The following PDIA4 variants were observed in gnomAD, a reference collection of about 807,000 sequenced individuals.
PDIA4 encodes protein disulfide-isomerase A4.
PDIA4 carries 33 observed loss-of-function variants against 62.1 expected under a neutral mutation model. The ratio of observed to expected loss-of-function variants is 0.53; its 90% confidence interval spans 0.40 to 0.71. PDIA4 has a LOEUF of 0.71. Among genes scored for constraint, PDIA4 ranks in the 30% least tolerant of loss-of-function variants. The probability of loss-of-function intolerance (pLI) is 0.00; values close to 1 mark genes in which losing one functional copy is unlikely to be tolerated. For missense variants in PDIA4, 804 were observed against 813.6 expected, an observed-to-expected ratio of 0.99 and a Z score of 0.14; for synonymous variants, 341 against 324.1, an observed-to-expected ratio of 1.05 and a Z score of -0.56.
Position 149,005,921 on chromosome 7 carries a change from C to T in PDIA4, c.1264G>A (p.Asp422Asn). ...RPLVVVYYSV[D>N]FSFDYRAATQ... ...CCAGCTCTGTAATCAAAGCTGAAGT[C>T]CACACTGTAGTAGACGACCACCAGG... Residue 422 changes from aspartate to asparagine, a missense_variant, in exon 8 of 10, where the codon GAC (aspartate) becomes AAC (asparagine). Coordinates refer to ENST00000652332, the MANE Select transcript of PDIA4 (RefSeq NM_004911.5). The T allele has an allele frequency of 6.6e-7, 1 of 1,523,888 alleles. No homozygotes were observed. Among genetic ancestry groups the T allele is most frequent in the South Asian group, 1.3e-5 (1 of 76,210 alleles). The allele number at this position is 1,523,888 out of a possible 1,614,324, so 94.4% of individuals were successfully genotyped here.
At chr7:149,009,310 C>A (rs377128706) in intron 6 of PDIA4, among the ~76,000 whole-genome samples, 31 of 151,898 alleles carry the variant, frequency 2.0e-4, no homozygotes, top group Non-Finnish European at 3.1e-4. Flanking sequence ...ACAACAACAA[C>A]AAAAAAACCC....
At chr7:149,014,831 G>A in intron 4 of PDIA4, 73 bp downstream of exon 4, 2 of 1,462,140 alleles carry the variant, frequency 1.4e-6, no homozygotes, top group Middle Eastern at 1.8e-4. Context: ...CTGCCTCACG[G>A]GCAGGGGCCT....
At position 149,011,974 on chromosome 7, in the gene PDIA4, C is replaced by A; in HGVS notation, c.851G>T (p.Gly284Val). The change falls in exon 6 of 10, where the codon GGG (glycine) becomes GTG (valine). Residue 284 changes from glycine to valine, a missense_variant. Gly to Val is a moderately radical substitution (Grantham distance 109, BLOSUM62 -3). Coordinates refer to ENST00000652332, the MANE Select transcript of PDIA4 (RefSeq NM_004911.5). ...GIVDYMIEQS[G>V]PPSKEILTLK... ...GGTCAGAATCTCCTTGGAGGGAGGC[C>A]CGGACTGCTCGATCATGTAATCAAC... The A allele has an allele frequency of 6.2e-7, 1 of 1,601,586 alleles. No homozygotes were observed. Among genetic ancestry groups the A allele is most frequent in the African/African-American group, 1.3e-5 (1 of 74,610 alleles).
At chr7:149,015,176 G>T in intron 3 of PDIA4, 134 bp from the exon 4 acceptor site, 1 of 853,920 alleles carries the variant, frequency 1.2e-6, no homozygotes, top group Non-Finnish European at 1.8e-6. Flanking sequence ...CTGATTTCCT[G>T]AAACCTGGCT....
At chr7:149,013,360 T>G (rs1235144208) in intron 4 of PDIA4, among the ~76,000 whole-genome samples, 1 of 152,056 alleles carries the variant, frequency 6.6e-6, no homozygotes, top group East Asian at 1.9e-4. Flanking sequence ...CCAAATGAAT[T>G]AAAGGGTGCA....
intron 1 of PDIA4, among the ~76,000 whole-genome samples, chr7:149,024,800 G>C (rs2129505842): frequency 7.6e-6 from 1 of 131,036 alleles, no homozygotes; most frequent in East Asian, 2.2e-4. Flanking sequence ...TGGCGACCGA[G>C]CAAGACTGTC....
intron 1 of PDIA4, among the ~76,000 whole-genome samples, chr7:149,025,647 G>A (rs1040013291): frequency 2.0e-5 from 3 of 152,212 alleles, no homozygotes; most frequent in African/African-American, 7.2e-5. Flanking sequence ...CTACTTAGCG[G>A]AGGGTCCTGA....
intron 9 of PDIA4, among the ~76,000 whole-genome samples, chr7:149,004,748 T>C (rs1319997244): frequency 3.3e-5 from 5 of 152,336 alleles, no homozygotes; most frequent in African/African-American, 1.2e-4. Context: ...CATCTTCAGA[T>C]GCCCCCTCTG....
chr7:149,018,115 G>C (rs949004341), intron 3 of PDIA4, among the ~76,000 whole-genome samples: 6 of 152,030 alleles, frequency 3.9e-5, no homozygotes, highest in African/African-American at 1.4e-4. Flanking sequence ...TGTAGTCCCA[G>C]CTACTCAGGA....
At position 149,026,435 on chromosome 7, in the gene PDIA4, G is replaced by C. The variant is rs138186010; in HGVS notation, c.88+1886C>G. Among the ~76,000 whole-genome samples, 3 of 152,258 alleles carry C rather than the reference G, an allele frequency of 2.0e-5. No homozygotes were observed. In the East Asian group the frequency reaches 5.8e-4, roughly 29 times the overall value. ...GGAGGCCAAGTCAGGCGGATCACGG[G>C]GTCAGGAGATCGAGACCATCCCGGT... On this transcript the variant is annotated intron_variant, in intron 1 of 9. Coordinates refer to ENST00000652332, the MANE Select transcript of PDIA4 (RefSeq NM_004911.5).
intron 3 of PDIA4, among the ~76,000 whole-genome samples, chr7:149,017,554 AGCCTGG>A (rs1366555828): frequency 2.0e-5 from 3 of 152,186 alleles, no homozygotes; most frequent in Non-Finnish European, 4.4e-5. Context: ...ATCGTACTGC[AGCCTGG>A]GCCACAGAAG....
At position 149,019,100 on chromosome 7, in the gene PDIA4, T is replaced by C; in HGVS notation, c.367A>G (p.Thr123Ala). 6.2e-7 allele frequency: 1 copy of C among 1,613,636 alleles called. No individual in the cohort carries two copies. The highest frequency in any genetic ancestry group is 8.5e-7 in the Non-Finnish European group (1 of 1,179,842). Residue 123 changes from threonine (T) to alanine (A), a missense_variant, in exon 3 of 10, where the codon ACC becomes GCC. Physicochemically the swap from Thr to Ala is moderately conservative, Grantham distance 58. Coordinates refer to ENST00000652332, the MANE Select transcript of PDIA4 (RefSeq NM_004911.5). The stretch of plus-strand genomic sequence containing the variant: ...CTGCTGGCCAGCACAGACGCTGAGG[T>C]TGCATCGATCTTGGCAACAGGAATG... ...PPIPVAKIDATSASVLASRFD... is the reference protein window; with the variant it reads ...PPIPVAKIDAASASVLASRFD...
At chr7:149,012,398 A>G (rs1416827911) in intron 4 of PDIA4, 38 bp from the exon 5 acceptor site, 2 of 1,547,262 alleles carry the variant, frequency 1.3e-6, no homozygotes, top group Admixed American at 3.4e-5. Flanking sequence ...GGCTCATTCT[A>G]GTGTGGACTC....
intron 7 of PDIA4, among the ~76,000 whole-genome samples, chr7:149,006,633 G>A (rs1303125997): frequency 1.3e-5 from 2 of 152,206 alleles, no homozygotes; most frequent in African/African-American, 2.4e-5. Flanking sequence ...AGAGGGCCCC[G>A]CTGGTGAGAA....
At chr7:149,014,053 C>T (rs1302257127) in intron 4 of PDIA4, among the ~76,000 whole-genome samples, 5 of 152,194 alleles carry the variant, frequency 3.3e-5, no homozygotes, top group Non-Finnish European at 7.3e-5. Context: ...CAGATCATTT[C>T]CTTCTCTAAC....
rs1823744850 is a variant in PDIA4 at position 149,006,029 on chromosome 7, TGATGGCC to T, written c.1149_1155del (p.Ala384ArgfsTer5). On this transcript the variant is annotated frameshift_variant, in exon 8 of 10. Transcript: ENST00000652332. LOFTEE classifies it high-confidence loss of function. ...AGGGCGTACTTCAGCACGAAGTCCT[TGATGGCC>T]GAGTCCTGGGTGGAGCCCTGCTTCA... 6.4e-7 allele frequency: 1 copy of T among 1,564,568 alleles called. No individual in the cohort carries two copies. The highest frequency in any genetic ancestry group is 1.4e-5 in the African/African-American group (1 of 71,232).
intron 6 of PDIA4, among the ~76,000 whole-genome samples, chr7:149,008,715 G>GA (rs371884233): frequency 4.3e-4 from 47 of 109,042 alleles, no homozygotes; most frequent in Middle Eastern, 5.0e-3. Flanking sequence ...TCTTTAAAAA[G>GA]AAAAAAAAAA....
At chr7:149,015,119 G>A in intron 3 of PDIA4, 77 bp from the exon 4 acceptor site, 1 of 1,468,584 alleles carries the variant, frequency 6.8e-7, no homozygotes, top group Non-Finnish European at 9.4e-7. Flanking sequence ...AAGCAGATGA[G>A]GAGGGGGAAG....
chr7:149,022,418 A>G (rs1824384250), intron 1 of PDIA4, among the ~76,000 whole-genome samples: 1 of 152,088 alleles, frequency 6.6e-6, no homozygotes, highest in Non-Finnish European at 1.5e-5. Context: ...TTTTTGCCAA[A>G]CCACAGATAC....
Sources: allele counts gnomAD v4.1 joint callset (sites outside exome capture counted in the v4.1 genomes callset), GRCh38; gene constraint gnomAD v4.1.1; transcripts MANE v1.5; gene names NCBI Gene and HGNC (gene_info 2026-07-23, HGNC 2026-07-21).